The following BAIAP2L1 variants were observed in gnomAD, a reference collection of about 807,000 sequenced individuals.
BAIAP2L1 encodes the protein BAR/IMD domain-containing adapter protein 2-like 1.
In BAIAP2L1, 35 loss-of-function variants were observed where a neutral mutation model predicts 66.3. That is an observed-to-expected ratio of 0.53 (90% CI 0.40 to 0.70). BAIAP2L1 has a LOEUF of 0.70. Among genes scored for constraint, BAIAP2L1 ranks in the 30% least tolerant of loss-of-function variants. The probability of loss-of-function intolerance (pLI) is 0.00; values close to 1 mark genes in which losing one functional copy is unlikely to be tolerated. For synonymous variants in BAIAP2L1, 269 were observed against 248.7 expected, an observed-to-expected ratio of 1.08 and a Z score of -0.77; for missense variants, 622 against 656.9, an observed-to-expected ratio of 0.95 and a Z score of 0.58.
At position 98,312,149 on chromosome 7, in the gene BAIAP2L1, G is replaced by T; in HGVS notation, c.755C>A (p.Thr252Asn). The change falls in exon 8 of 14, where the codon ACC (threonine) becomes AAC (asparagine). Residue 252 changes from threonine (T) to asparagine (N), a missense_variant. Coordinates refer to ENST00000005260, the MANE Select transcript of BAIAP2L1 (RefSeq NM_018842.5). ...MIEEIKTPAS[T>N]PVSGTPQASP... ...AGCCTGAGGAGTTCCAGACACGGGG[G>T]TAGAGGCTGGGGTCTTTATTTCTTC... is the stretch of plus-strand genomic sequence containing the variant. 3.7e-6 allele frequency: 6 copies of T among 1,613,992 alleles called. No individual in the cohort carries two copies. Among genetic ancestry groups the T allele is most frequent in the Non-Finnish European group, 5.1e-6 (6 of 1,179,954 alleles).
intron 3 of BAIAP2L1, among the ~76,000 whole-genome samples, chr7:98,325,620 G>T (rs1477803950): frequency 6.6e-6 from 1 of 152,166 alleles, no homozygotes; most frequent in African/African-American, 2.4e-5. Flanking sequence ...AGAGGTTGCA[G>T]TGAGCCAAGG....
chr7:98,355,141 G>A lies in BAIAP2L1; in HGVS notation c.128-13C>T. ...GCCAGGATCATAGCTAGACACAAAAGGTGACACACAAAATCGTCACTTAGA... is the reference window on the plus strand; with the variant it reads ...GCCAGGATCATAGCTAGACACAAAAAGTGACACACAAAATCGTCACTTAGA... On this transcript the variant is annotated splice_polypyrimidine_tract_variant and intron_variant, in intron 2 of 13. Coordinates refer to ENST00000005260, the MANE Select transcript of BAIAP2L1 (RefSeq NM_018842.5). The A allele has an allele frequency of 6.3e-7, 1 of 1,587,488 alleles. No homozygotes were observed. The highest frequency in any genetic ancestry group is 8.6e-7 in the Non-Finnish European group (1 of 1,156,256).
At chr7:98,374,261 T>C (rs535448127) in intron 1 of BAIAP2L1, among the ~76,000 whole-genome samples, 2 of 152,300 alleles carry the variant, frequency 1.3e-5, no homozygotes, top group South Asian at 4.1e-4. Flanking sequence ...AGAACATTTA[T>C]GTCATTAATT....
At chr7:98,330,513 C>T (rs984609827) in intron 3 of BAIAP2L1, among the ~76,000 whole-genome samples, 1 of 152,072 alleles carries the variant, frequency 6.6e-6, no homozygotes, top group East Asian at 1.9e-4. Context: ...CAAAATTAGC[C>T]GGGCGTGGTG....
chr7:98,322,863 G>A (rs1801288058), intron 3 of BAIAP2L1: 1 of 152,254 alleles, frequency 6.6e-6, no homozygotes, highest in Admixed American at 6.5e-5. Context: ...CCGCCATGGT[G>A]TTCCAGGGAA....
chr7:98,372,428 A>G (rs1462661762), intron 1 of BAIAP2L1, among the ~76,000 whole-genome samples: 1 of 151,886 alleles, frequency 6.6e-6, no homozygotes, highest in Non-Finnish European at 1.5e-5. Flanking sequence ...CAAAACAAAA[A>G]TTCTCTATAT....
intron 12 of BAIAP2L1, among the ~76,000 whole-genome samples, chr7:98,303,232 C>T (rs756642037): frequency 3.9e-5 from 6 of 152,162 alleles, no homozygotes; most frequent in Non-Finnish European, 5.9e-5. Context: ...GAAGCACATC[C>T]GTTTCATATC....
intron 3 of BAIAP2L1, among the ~76,000 whole-genome samples, chr7:98,333,368 C>T (rs1186073446): frequency 1.3e-5 from 2 of 151,998 alleles, no homozygotes; most frequent in African/African-American, 4.8e-5. Context: ...GAGGCCGAGG[C>T]AGGCGGATCA....
intron 3 of BAIAP2L1, among the ~76,000 whole-genome samples, chr7:98,353,879 T>C (rs912777642): frequency 2.7e-5 from 4 of 150,756 alleles, no homozygotes; most frequent in Admixed American, 6.7e-5. Flanking sequence ...GGAGAATTGC[T>C]TGAACCTGGG....
At chr7:98,297,086 C>T (rs990310345) in intron 12 of BAIAP2L1, among the ~76,000 whole-genome samples, 2 of 152,228 alleles carry the variant, frequency 1.3e-5, no homozygotes, top group Non-Finnish European at 2.9e-5. Flanking sequence ...ACTAAGGCCA[C>T]GAAACCAGCA....
At chr7:98,351,790 C>G (rs988703176) in intron 3 of BAIAP2L1, among the ~76,000 whole-genome samples, 1 of 152,150 alleles carries the variant, frequency 6.6e-6, no homozygotes, top group Non-Finnish European at 1.5e-5. Context: ...AAGCATCCTA[C>G]ATTATTCACA....
chr7:98,382,300 T>C (rs1031188559), intron 1 of BAIAP2L1, among the ~76,000 whole-genome samples: 1 of 152,042 alleles, frequency 6.6e-6, no homozygotes, highest in Non-Finnish European at 1.5e-5. Flanking sequence ...GCTCAGCCCA[T>C]CTGAGAAGGT....
rs776291822 is a variant in BAIAP2L1 at position 98,293,488 on chromosome 7, C to T, written c.*33G>A. 4.8e-5 allele frequency: 77 copies of T among 1,593,944 alleles called. No individual in the cohort carries two copies. The highest frequency in any genetic ancestry group is 8.9e-5 in the East Asian group (4 of 44,818). ...CGCCCATCATTCCGCAAGGGAGAAC[C>T]GGAGAGGCCCGGGAGAGTCCTTGGC... On this transcript the variant is annotated 3_prime_UTR_variant, in exon 14 of 14. Transcript: ENST00000005260.
At chr7:98,326,681 T>C (rs1256061007) in intron 3 of BAIAP2L1, among the ~76,000 whole-genome samples, 1 of 151,982 alleles carries the variant, frequency 6.6e-6, no homozygotes, top group Non-Finnish European at 1.5e-5. Flanking sequence ...TTGCTAGAAG[T>C]AGAGTTGCAC....
At chr7:98,301,436 A>G (rs891160748) in intron 12 of BAIAP2L1, among the ~76,000 whole-genome samples, 1 of 151,666 alleles carries the variant, frequency 6.6e-6, no homozygotes, top group Non-Finnish European at 1.5e-5. Flanking sequence ...AAAGGCTGCT[A>G]AAATGAAAGC....
rs1800082156 is a variant in BAIAP2L1, at chr7:98,294,081, A to G, written c.1453T>C (p.Phe485Leu). ...GTAGGAAGCCACGCCTACCTGAGAA[A>G]AGGCGGCTTTGCAGTCCCGTTGGCA... ...NDANGTAKPP[F>L]LSGENPFATV... The change falls in exon 13 of 14, where the codon TTT (phenylalanine) becomes CTT (leucine). Residue 485 changes from phenylalanine (F) to leucine (L), a missense_variant. Coordinates refer to ENST00000005260, the MANE Select transcript of BAIAP2L1 (RefSeq NM_018842.5). The G allele has an allele frequency of 6.2e-7, 1 of 1,614,056 alleles. No homozygotes were observed. Among genetic ancestry groups the G allele is most frequent in the Non-Finnish European group, 8.5e-7 (1 of 1,179,972 alleles).
intron 1 of BAIAP2L1, among the ~76,000 whole-genome samples, chr7:98,379,990 G>A (rs918815938): frequency 6.6e-6 from 1 of 151,920 alleles, no homozygotes; most frequent in Non-Finnish European, 1.5e-5. Flanking sequence ...GGTGACGGCT[G>A]CACAACTTTA....
chr7:98,345,978 G>A (rs912659401), intron 3 of BAIAP2L1, among the ~76,000 whole-genome samples: 9 of 152,058 alleles, frequency 5.9e-5, no homozygotes, highest in Admixed American at 5.2e-4. Context: ...GGTTGGATAC[G>A]GTTGGAGTTA....
At chr7:98,358,051 T>A (rs946076870) in intron 2 of BAIAP2L1, among the ~76,000 whole-genome samples, 4 of 152,168 alleles carry the variant, frequency 2.6e-5, no homozygotes, top group Non-Finnish European at 4.4e-5. Context: ...AAAGTACTGA[T>A]CATCTGAAAA....
Sources: allele counts gnomAD v4.1 joint callset (sites outside exome capture counted in the v4.1 genomes callset), GRCh38; gene constraint gnomAD v4.1.1; transcripts MANE v1.5; gene names NCBI Gene and HGNC (gene_info 2026-07-23, HGNC 2026-07-21).